The following PDS5A variants were observed in gnomAD, a reference collection of about 807,000 sequenced individuals.
PDS5A encodes the protein sister chromatid cohesion protein PDS5 homolog A.
A neutral mutation model predicts 167.1 loss-of-function variants in PDS5A; 42 were observed. The observed-to-expected ratio is 0.25, with a 90% CI of 0.20 to 0.33. PDS5A has a LOEUF of 0.33. PDS5A is among the 10% of genes least tolerant of loss of function. The pLI is 1.00. For synonymous variants in PDS5A, 553 were observed against 554.6 expected (o/e 1.00, Z 0.04); for missense variants, 1,033 against 1,605.9 (o/e 0.64, Z 6.10).
At chr4:39,948,527 C>T (rs1180202092) in intron 2 of PDS5A, among the ~76,000 whole-genome samples, 1 of 151,156 alleles carries the variant, frequency 6.6e-6, no homozygotes, top group Non-Finnish European at 1.5e-5. Context: ...GTTTTACCAT[C>T]TTGGCCAGGC....
chr4:39,895,008 A>G (rs1722272368), intron 16 of PDS5A, among the ~76,000 whole-genome samples: 1 of 152,026 alleles, frequency 6.6e-6, no homozygotes, highest in Non-Finnish European at 1.5e-5. Flanking sequence ...CGGGCGGATC[A>G]CGAGGTCAGG....
At chr4:39,971,245 G>A (rs1174361158) in intron 2 of PDS5A, among the ~76,000 whole-genome samples, 2 of 151,860 alleles carry the variant, frequency 1.3e-5, no homozygotes, top group African/African-American at 4.8e-5. Flanking sequence ...TGCAAGCTCC[G>A]CCTCCTGGGT....
intron 11 of PDS5A, among the ~76,000 whole-genome samples, chr4:39,907,534 A>G (rs1015832316): frequency 6.6e-6 from 1 of 151,580 alleles, no homozygotes; most frequent in African/African-American, 2.4e-5. Flanking sequence ...GACGCTATTC[A>G]TTAGTTGTAT....
intron 17 of PDS5A, among the ~76,000 whole-genome samples, chr4:39,883,653 T>TGA (rs1006131442): frequency 6.6e-6 from 1 of 152,148 alleles, no homozygotes; most frequent in Non-Finnish European, 1.5e-5. Context: ...TGTCTTTTTT[T>TGA]GAGACACAGT....
At chr4:39,833,175 G>A (rs1383704723) in intron 32 of PDS5A, among the ~76,000 whole-genome samples, 5 of 91,186 alleles carry the variant, frequency 5.5e-5, no homozygotes, top group African/African-American at 8.5e-5. Context: ...TGGGCCACAA[G>A]AGTGAAACTC....
chr4:39,841,582 A>G (rs1389896727), intron 31 of PDS5A, among the ~76,000 whole-genome samples: 1 of 147,710 alleles, frequency 6.8e-6, no homozygotes, highest in Admixed American at 6.8e-5. Flanking sequence ...GCGTTATCTC[A>G]GCTCACTGCA....
At chr4:39,895,627 C>T (rs980683547) in intron 16 of PDS5A, among the ~76,000 whole-genome samples, 5 of 152,108 alleles carry the variant, frequency 3.3e-5, no homozygotes, top group African/African-American at 7.2e-5. Flanking sequence ...TTAGGCAGCA[C>T]GATATTTAAA....
chr4:39,876,972 C>A (rs147951885), intron 19 of PDS5A, 21 bp downstream of exon 19: 3 of 1,576,686 alleles, frequency 1.9e-6, no homozygotes, highest in African/African-American at 1.4e-5. Flanking sequence ...GTATTTACCA[C>A]GGGAGAAAAA....
chr4:39,840,530 G>A (rs1716897190), intron 31 of PDS5A, among the ~76,000 whole-genome samples: 1 of 152,030 alleles, frequency 6.6e-6, no homozygotes, highest in African/African-American at 2.4e-5. Context: ...CAAGCAGCTG[G>A]GATTACAGGT....
intron 2 of PDS5A, among the ~76,000 whole-genome samples, chr4:39,936,357 T>C (rs1726599728): frequency 2.0e-5 from 3 of 152,142 alleles, no homozygotes; most frequent in African/African-American, 7.2e-5. Context: ...CAGCTATAAA[T>C]TTCAGGTTTC....
chr4:39,866,307 C>T (rs1360797573), intron 23 of PDS5A, among the ~76,000 whole-genome samples: 4 of 151,954 alleles, frequency 2.6e-5, no homozygotes, highest in African/African-American at 4.8e-5. Flanking sequence ...TTAGTAGAGA[C>T]GGGGTTTCAC....
chr4:39,958,603 GTC>G (rs1479759559), intron 2 of PDS5A, among the ~76,000 whole-genome samples: 1 of 89,824 alleles, frequency 1.1e-5, no homozygotes, highest in Non-Finnish European at 2.7e-5. Context: ...CTCATTTCTT[GTC>G]TTTTTTTTTT....
intron 2 of PDS5A, among the ~76,000 whole-genome samples, chr4:39,943,123 TACACACACACACACACACACACAC>T (rs35361618): frequency 5.5e-5 from 8 of 144,932 alleles, no homozygotes; most frequent in Admixed American, 2.8e-4. Flanking sequence ...ACTATGCAAA[TACACACACACACACACACACACAC>T]ACACACACAC....
In PDS5A at chr4:39,845,862, T is replaced by C; in HGVS notation, c.3358A>G (p.Ser1120Gly). ...QPEKDFCNDK[S>G]YISEETRVLL... ...ACTCTTGTCTCTTCTGAAATATAAC[T>C]CTTATCGTTACAGAAGTCCTATTAA... Residue 1120 changes from serine (S) to glycine (G), a missense_variant, in exon 29 of 33, where the codon AGT becomes GGT. By Grantham distance (56) the Ser-to-Gly change is moderately conservative. Around this residue, in one of 4 missense-constraint regions of PDS5A, gnomAD observed 233 missense variants for 264.0 expected, o/e 0.88. Transcript: ENST00000303538. 1 of 1,388,948 alleles carries C rather than the reference T, an allele frequency of 7.2e-7. No individual in the cohort carries two copies. Among genetic ancestry groups the C allele is most frequent in the East Asian group, 2.9e-5 (1 of 34,082 alleles). 86.0% of individuals were successfully genotyped at this position (1,388,948 alleles called of 1,614,324 possible).
At chr4:39,897,209 C>G (rs140966068) in intron 16 of PDS5A, among the ~76,000 whole-genome samples, 2 of 152,088 alleles carry the variant, frequency 1.3e-5, no homozygotes, top group Non-Finnish European at 2.9e-5. Context: ...GCCTGGCCAA[C>G]ATGGTGAAAA....
intron 12 of PDS5A, 62 bp from the exon 13 acceptor site, chr4:39,902,522 A>ATTTTTTTTT: frequency 1.8e-6 from 1 of 544,342 alleles, no homozygotes; most frequent in East Asian, 3.6e-5. Flanking sequence ...TTAAGAAGCA[A>ATTTTTTTTT]TTTTTTTTTT....
chr4:39,930,263 T>G (rs1230913880), intron 2 of PDS5A, among the ~76,000 whole-genome samples: 4 of 127,210 alleles, frequency 3.1e-5, no homozygotes, highest in African/African-American at 1.2e-4. Flanking sequence ...TTGTTTTTTG[T>G]TTTTTTTTTT....
intron 32 of PDS5A, among the ~76,000 whole-genome samples, chr4:39,826,824 G>A (rs549458624): frequency 6.6e-5 from 10 of 152,084 alleles, no homozygotes; most frequent in African/African-American, 2.2e-4. Context: ...TAGTAAGACT[G>A]TCTCCTTTTC....
chr4:39,943,908 T>G (rs1727483308), intron 2 of PDS5A, among the ~76,000 whole-genome samples: 1 of 152,054 alleles, frequency 6.6e-6, no homozygotes, highest in Non-Finnish European at 1.5e-5. Context: ...CCGGGTGTGG[T>G]GGCTCATGCC....
Sources: allele counts gnomAD v4.1 joint callset (sites outside exome capture counted in the v4.1 genomes callset), GRCh38; gene constraint gnomAD v4.1.1; regional missense constraint gnomAD v4.1.1; transcripts MANE v1.5; gene names NCBI Gene and HGNC (gene_info 2026-07-23, HGNC 2026-07-21).